Variants in SATL1 observed in about 807,000 individuals in gnomAD.
SATL1 encodes the protein spermidine/spermine N(1)-acetyltransferase-like protein 1.
A neutral mutation model predicts 51.8 loss-of-function variants in SATL1; 47 were observed. The ratio of observed to expected loss-of-function variants is 0.91; its 90% confidence interval spans 0.72 to 1.16. SATL1 has a LOEUF of 1.16. Ranked by LOEUF, SATL1 falls within the 50% of genes most tolerant of loss-of-function variation. The pLI is 0.00. For synonymous variants in SATL1, 176 were observed against 182.4 expected, an observed-to-expected ratio of 0.97 and a Z score of 0.28; for missense variants, 520 against 526.4, an observed-to-expected ratio of 0.99 and a Z score of 0.12.
intron 3 of SATL1, among the ~76,000 whole-genome samples, chrX:85,104,957 G>T (rs1602832302): frequency 9.0e-6 from 1 of 111,311 alleles, no homozygotes; most frequent in East Asian, 2.8e-4. Context: ...ATACTTAAGA[G>T]AACTTCTGGA....
intron 2 of SATL1, among the ~76,000 whole-genome samples, chrX:85,128,933 G>C (rs758898697): frequency 1.0e-3 from 116 of 111,743 alleles, no homozygotes; most frequent in Admixed American, 1.1e-3. Context: ...TTTTTGTCAG[G>C]TTGGTCAAAG....
chrX:85,228,534 T>C (rs1382501119), intron 1 of SATL1, among the ~76,000 whole-genome samples: 5 of 111,375 alleles, frequency 4.5e-5, no homozygotes, highest in Non-Finnish European at 7.6e-5. Flanking sequence ...ATTCCATTCA[T>C]CCCATTCTTT....
At chrX:85,199,055 G>A (rs1214535909) in intron 2 of SATL1, among the ~76,000 whole-genome samples, 1 of 109,580 alleles carries the variant, frequency 9.1e-6, no homozygotes, top group Non-Finnish European at 1.9e-5. Context: ...TGGCCAGCAT[G>A]GTCTCGATCT....
intron 2 of SATL1, among the ~76,000 whole-genome samples, chrX:85,192,645 T>C (rs190383206): frequency 2.3e-4 from 26 of 111,532 alleles, no homozygotes; most frequent in Admixed American, 2.1e-3. Flanking sequence ...ATTTGTTTTG[T>C]CCACCTGCTT....
chrX:85,155,852 C>T (rs143374577), intron 2 of SATL1, among the ~76,000 whole-genome samples: 2 of 111,298 alleles, frequency 1.8e-5, no homozygotes, highest in East Asian at 5.6e-4. Context: ...AAATTACCTA[C>T]CTTGCAGGCT....
At chrX:85,189,869 C>T (rs1035539128) in intron 2 of SATL1, among the ~76,000 whole-genome samples, 6 of 111,966 alleles carry the variant, frequency 5.4e-5, no homozygotes, top group African/African-American at 1.9e-4. Context: ...CATTTCTTTG[C>T]TAGTTAGTTC....
At chrX:85,240,783 C>CT (rs5902874) in intron 1 of SATL1, among the ~76,000 whole-genome samples, 1,400 of 99,869 alleles carry the variant, frequency 0.014, 12 homozygotes, top group East Asian at 0.026. Context: ...CTCCTATGTA[C>CT]TTTTTTTTTT....
chrX:85,092,780 C>G, intron 7 of SATL1: 1 of 368,463 alleles, frequency 2.7e-6, no homozygotes, highest in Non-Finnish European at 4.6e-6. Context: ...AACTGATTTG[C>G]AAAGCCTTTA....
At chrX:85,198,130 C>T (rs1463870444) in intron 2 of SATL1, among the ~76,000 whole-genome samples, 2 of 111,317 alleles carry the variant, frequency 1.8e-5, no homozygotes, top group East Asian at 2.8e-4. Context: ...TAATGTCCTC[C>T]GGTTTCGTCT....
At chrX:85,103,359 A>T (rs1924946213) in intron 4 of SATL1, among the ~76,000 whole-genome samples, 1 of 111,795 alleles carries the variant, frequency 8.9e-6, no homozygotes, top group African/African-American at 3.2e-5. Flanking sequence ...ATTCTTCTAG[A>T]TTTTGATAAC....
intron 4 of SATL1, among the ~76,000 whole-genome samples, chrX:85,097,342 ATTAC>A (rs1347194865): frequency 8.9e-6 from 1 of 111,746 alleles, no homozygotes; most frequent in Non-Finnish European, 1.9e-5. Flanking sequence ...AAAAATAATT[ATTAC>A]TTTTTATTTT....
intron 1 of SATL1, among the ~76,000 whole-genome samples, chrX:85,229,283 AGAG>A (rs1928333678): frequency 8.9e-6 from 1 of 111,770 alleles, no homozygotes; most frequent in South Asian, 3.7e-4. Flanking sequence ...AAAAAACAGA[AGAG>A]GAGGAAATAC....
chrX:85,228,860 T>C (rs1473544890), intron 1 of SATL1, among the ~76,000 whole-genome samples: 1 of 111,756 alleles, frequency 8.9e-6, no homozygotes, highest in Non-Finnish European at 1.9e-5. Flanking sequence ...CTTGATGATC[T>C]CCAAATTTTG....
At chrX:85,178,540 G>T (rs375858360) in intron 2 of SATL1, among the ~76,000 whole-genome samples, 35 of 106,944 alleles carry the variant, frequency 3.3e-4, no homozygotes, top group African/African-American at 1.2e-3. Context: ...TGCAACACAA[G>T]TGCCTGGCTT....
At chrX:85,164,574 T>C (rs1305654132) in intron 2 of SATL1, among the ~76,000 whole-genome samples, 1 of 111,479 alleles carries the variant, frequency 9.0e-6, no homozygotes, top group East Asian at 2.8e-4. Context: ...CCCCAATCTC[T>C]TCTAGCTTGT....
intron 1 of SATL1, among the ~76,000 whole-genome samples, chrX:85,241,003 T>G (rs764522959): frequency 4.5e-5 from 5 of 110,720 alleles, no homozygotes; most frequent in African/African-American, 1.6e-4. Context: ...CTTATTTGTT[T>G]TTTTTTATCT....
chrX:85,175,922 G>A (rs1389495655), intron 2 of SATL1, among the ~76,000 whole-genome samples: 1 of 111,190 alleles, frequency 9.0e-6, no homozygotes, highest in Non-Finnish European at 1.9e-5. Flanking sequence ...CAGAGGCCAA[G>A]GAAGCCCATT....
intron 2 of SATL1, among the ~76,000 whole-genome samples, chrX:85,111,354 A>T (rs954857190): frequency 7.1e-5 from 8 of 112,345 alleles, no homozygotes; most frequent in Non-Finnish European, 1.3e-4. Context: ...TGTGTTTTTA[A>T]CGGAACATAC....
chrX:85,117,457 C>CA (rs1925405728), intron 2 of SATL1: 1 of 111,296 alleles, frequency 9.0e-6, no homozygotes, highest in African/African-American at 3.3e-5. Flanking sequence ...TCATCTAGAG[C>CA]AAGCAGAGTT....
Sources: allele counts gnomAD v4.1 joint callset (sites outside exome capture counted in the v4.1 genomes callset), GRCh38; gene constraint gnomAD v4.1.1; transcripts MANE v1.5; gene names NCBI Gene and HGNC (gene_info 2026-07-23, HGNC 2026-07-21).